AIPL1: variants seen among roughly 807,000 people sequenced by gnomAD.
AIPL1 encodes aryl-hydrocarbon-interacting protein-like 1.
AIPL1 carries 23 observed loss-of-function variants against 32.9 expected under a neutral mutation model. The observed-to-expected ratio is 0.70, with a 90% CI of 0.50 to 0.99. AIPL1 has a LOEUF of 0.99. AIPL1 is among the 50% of genes least tolerant of loss of function. The pLI is 0.00. For synonymous variants in AIPL1, 210 were observed against 209.4 expected (o/e 1.00, Z -0.02); for missense variants, 485 against 506.0 (o/e 0.96, Z 0.40).
At chr17:6,430,047 GTGTGTGTGT>G (rs1567640709) in intron 2 of AIPL1, among the ~76,000 whole-genome samples, 13 of 11,326 alleles carry the variant, frequency 1.1e-3, no homozygotes, top group African/African-American at 2.3e-3. Context: ...TAGAAGGGGT[GTGTGTGTGT>G]GTGTGTGTGT....
intron 3 of AIPL1, 43 bp from the exon 4 acceptor site, chr17:6,427,100 G>A: frequency 6.2e-7 from 1 of 1,606,212 alleles, no homozygotes. Flanking sequence ...GACCCCAGGG[G>A]CCTGCACCCC....
chr17:6,427,088 G>C (rs1305430008), intron 3 of AIPL1, 31 bp from the exon 4 acceptor site: 1 of 1,612,946 alleles, frequency 6.2e-7, no homozygotes, highest in Admixed American at 1.7e-5. Context: ...CAGTGAGGCA[G>C]GGACCCCAGG....
chr17:6,426,861 C>A lies in AIPL1; in HGVS notation c.642+20G>T. The A allele has an allele frequency of 6.2e-7, 1 of 1,613,922 alleles. No individual in the cohort carries two copies. The highest frequency in any genetic ancestry group is 8.5e-7 in the Non-Finnish European group (1 of 1,180,026). On this transcript the variant is annotated intron_variant, in intron 4 of 5. Coordinates refer to ENST00000381129, the MANE Select transcript of AIPL1 (RefSeq NM_014336.5). ...CCCAGAGTCAGCGCCACTTCCCACC[C>A]CTGGCCAGCGGCCTCTGACCTTGGT...
intron 2 of AIPL1, among the ~76,000 whole-genome samples, chr17:6,433,603 TCTCTCTCTCACACA>T (rs958586748): frequency 1.1e-4 from 14 of 126,846 alleles, no homozygotes; most frequent in Admixed American, 1.1e-3. Context: ...TCTCTCTCTC[TCTCTCTCTCACACA>T]CACACACACA....
rs765513188 is a variant in AIPL1, at chr17:6,425,445, T to A, written c.*15A>T. The A allele has an allele frequency of 6.4e-6, 10 of 1,574,494 alleles. No individual in the cohort carries two copies. The highest frequency in any genetic ancestry group is 8.6e-6 in the Non-Finnish European group (10 of 1,160,650). ...CACTTGCTCCCTGCCTGGGTGGCTGTGGGCCTCAGGGGGCTCAGTGCTGCA... is the reference window on the plus strand; with the variant it reads ...CACTTGCTCCCTGCCTGGGTGGCTGAGGGCCTCAGGGGGCTCAGTGCTGCA... On this transcript the variant is annotated 3_prime_UTR_variant, in exon 6 of 6. Coordinates refer to ENST00000381129, the MANE Select transcript of AIPL1 (RefSeq NM_014336.5).
chr17:6,433,904 G>C lies in AIPL1; in HGVS notation c.276+15C>G, dbSNP rs781192944. Reference sequence around the variant, plus strand: ...AAGACTAGTCCCAGGAGACAGGCGCGCAGGGCCTACTTACGATGGTGTCGC... The same window carrying C: ...AAGACTAGTCCCAGGAGACAGGCGCCCAGGGCCTACTTACGATGGTGTCGC... On this transcript the variant is annotated intron_variant, in intron 2 of 5. Transcript: ENST00000381129. 1 of 1,592,068 alleles carries C rather than the reference G, an allele frequency of 6.3e-7. No individual in the cohort carries two copies. The highest frequency in any genetic ancestry group is 1.7e-5 in the Admixed American group (1 of 59,110).
Position 6,425,393 on chromosome 17 carries a change from G to T in AIPL1, c.*67C>A. On this transcript the variant is annotated 3_prime_UTR_variant, in exon 6 of 6. Coordinates refer to ENST00000381129, the MANE Select transcript of AIPL1 (RefSeq NM_014336.5). ...TTTTAAAAAGTGACACCACGATCCTGGTCAATCGAACCAGAAGTGACCAGG... is the reference window on the plus strand; with the variant it reads ...TTTTAAAAAGTGACACCACGATCCTTGTCAATCGAACCAGAAGTGACCAGG... 1 of 1,499,414 alleles carries T rather than the reference G, an allele frequency of 6.7e-7. No homozygotes were observed. Among genetic ancestry groups the T allele is most frequent in the Non-Finnish European group, 8.9e-7 (1 of 1,128,604 alleles). The allele number at this position is 1,499,414 out of a possible 1,614,324, so 92.9% of individuals were successfully genotyped here. A position where few individuals can be genotyped will look rare whatever the true frequency, so the allele number is the denominator to read the frequency against.
Position 6,428,372 on chromosome 17 carries a change from C to T in AIPL1, c.411G>A (p.Leu137=). 6.2e-7 allele frequency: 1 copy of T among 1,612,432 alleles called. No homozygotes were observed. Among genetic ancestry groups the T allele is most frequent in the Non-Finnish European group, 8.5e-7 (1 of 1,180,044 alleles). Residue 137 remains leucine (L), a synonymous_variant, in exon 3 of 6, where the codon CTG becomes CTA. Coordinates refer to ENST00000381129, the MANE Select transcript of AIPL1 (RefSeq NM_014336.5). ...GCTGAGGCTCCTTCTGCAGCTCGTCCAGGTCCTCGTAGCCCAGCGTGTGGT... is the reference window on the plus strand; with the variant it reads ...GCTGAGGCTCCTTCTGCAGCTCGTCTAGGTCCTCGTAGCCCAGCGTGTGGT... ...FAYHTLGYED[L]DELQKEPQPL...
In AIPL1 at chr17:6,428,168, C is replaced by T. The variant is rs1438504164; in HGVS notation, c.465+150G>A. On this transcript the variant is annotated intron_variant, in intron 3 of 5. Transcript: ENST00000381129. The stretch of plus-strand genomic sequence containing the variant: ...AATCAGAGGACTTTTTTTTCAAATT[C>T]GTATTCTCCCATGGCTTATGAACCC... 4.9e-5 allele frequency: 45 copies of T among 911,596 alleles called. 1 individual carries two copies. The highest frequency in any genetic ancestry group is 6.2e-5 in the Non-Finnish European group (37 of 601,092). The allele number at this position is 911,596 out of a possible 1,614,324, so 56.5% of individuals were successfully genotyped here. A position where few individuals can be genotyped will look rare whatever the true frequency, so the allele number is the denominator to read the frequency against.
In AIPL1 at chr17:6,425,342, C is replaced by A; in HGVS notation, c.*118G>T. 2.3e-5 allele frequency: 26 copies of A among 1,145,208 alleles called. No individual in the cohort carries two copies. Among genetic ancestry groups the A allele is most frequent in the African/African-American group, 3.3e-5 (2 of 61,272 alleles). 70.9% of individuals were successfully genotyped at this position (1,145,208 alleles called of 1,614,324 possible). A position where few individuals can be genotyped will look rare whatever the true frequency, so the allele number is the denominator to read the frequency against. On this transcript the variant is annotated 3_prime_UTR_variant, in exon 6 of 6. Transcript: ENST00000381129. ...TTTTTTTTACCATGGGTGTGTCTGACTTTGATTTCAAAAATTAATTTTAAA... is the reference window on the plus strand; with the variant it reads ...TTTTTTTTACCATGGGTGTGTCTGAATTTGATTTCAAAAATTAATTTTAAA...
At chr17:6,430,580 T>C (rs16955854) in intron 2 of AIPL1, among the ~76,000 whole-genome samples, 3,173 of 151,454 alleles carry the variant, frequency 0.021, 123 homozygotes, top group African/African-American at 0.073. Flanking sequence ...GCCCACATTA[T>C]GGGAATGACA....
At chr17:6,426,553 A>G (rs1199855614) in intron 5 of AIPL1, 62 bp downstream of exon 5, 1 of 1,580,582 alleles carries the variant, frequency 6.3e-7, no homozygotes, top group Non-Finnish European at 8.6e-7. Context: ...AGGCTATGGC[A>G]GGTGTCTCCG....
At position 6,428,400 on chromosome 17, in the gene AIPL1, G is replaced by A. The variant is rs145466901; in HGVS notation, c.383C>T (p.Ala128Val). 340 of 1,613,238 alleles carry A rather than the reference G, an allele frequency of 2.1e-4. No individual in the cohort carries two copies. The highest frequency in any genetic ancestry group is 1.7e-4 in the Non-Finnish European group (204 of 1,180,048). ...VHTCGLANMF[A>V]YHTLGYEDLD... The stretch of plus-strand genomic sequence containing the variant: ...GTCCTCGTAGCCCAGCGTGTGGTAG[G>A]CGAACATGTTGGCCAGCCCGCACGT... Residue 128 changes from alanine to valine, a missense_variant, in exon 3 of 6, where the codon GCC (alanine) becomes GTC (valine). Coordinates refer to ENST00000381129, the MANE Select transcript of AIPL1 (RefSeq NM_014336.5).
chr17:6,426,415 A>T, intron 5 of AIPL1, 200 bp downstream of exon 5: 1 of 1,437,418 alleles, frequency 7.0e-7, no homozygotes, highest in Non-Finnish European at 9.1e-7. Context: ...ACACACATTA[A>T]AATAAAGGGC....
Position 6,433,904 on chromosome 17 carries a change from G to GAAAAGACTAGTCCCAGGAGA in AIPL1, c.276+14_276+15insTCTCCTGGGACTAGTCTTTT. 2 of 1,592,070 alleles carry GAAAAGACTAGTCCCAGGAGA rather than the reference G, an allele frequency of 1.3e-6. No individual in the cohort carries two copies. Among genetic ancestry groups the GAAAAGACTAGTCCCAGGAGA allele is most frequent in the African/African-American group, 1.5e-5 (1 of 66,238 alleles). On this transcript the variant is annotated intron_variant, in intron 2 of 5. Transcript: ENST00000381129. Reference sequence around the variant, plus strand: ...AAGACTAGTCCCAGGAGACAGGCGCGCAGGGCCTACTTACGATGGTGTCGC... The same window carrying GAAAAGACTAGTCCCAGGAGA: ...AAGACTAGTCCCAGGAGACAGGCGCGAAAAGACTAGTCCCAGGAGACAGGGCCTACTTACGATGGTGTCGC...
Position 6,428,331 on chromosome 17 carries a change from A to G in AIPL1, c.452T>C (p.Ile151Thr). ...QKEPQPLVFV[I>T]ELLQVDAPSD... ...CCCCAGCCCCACCTGCAGCAGCTCG[A>G]TCACAAAGACCAGAGGCTGAGGCTC... The change falls in exon 3 of 6, where the codon ATC becomes ACC. Residue 151 changes from isoleucine to threonine, a missense_variant. Ile to Thr is a moderately conservative substitution (Grantham distance 89). Transcript: ENST00000381129. 6.2e-7 allele frequency: 1 copy of G among 1,609,342 alleles called. No homozygotes were observed. Among genetic ancestry groups the G allele is most frequent in the Non-Finnish European group, 8.5e-7 (1 of 1,180,002 alleles).
chr17:6,432,308 A>G (rs1380300286), intron 2 of AIPL1, among the ~76,000 whole-genome samples: 1 of 151,936 alleles, frequency 6.6e-6, no homozygotes, highest in African/African-American at 2.4e-5. Context: ...CCGGGAGGCC[A>G]AGGTTGCAGT....
At chr17:6,426,859 C>T (rs1912031137) in intron 4 of AIPL1, 22 bp downstream of exon 4, 3 of 1,613,764 alleles carry the variant, frequency 1.9e-6, no homozygotes, top group South Asian at 2.2e-5. Flanking sequence ...CCACTTCCCA[C>T]CCCTGGCCAG....
chr17:6,432,715 C>T (rs920648848), intron 2 of AIPL1, among the ~76,000 whole-genome samples: 7 of 151,746 alleles, frequency 4.6e-5, no homozygotes, highest in Non-Finnish European at 1.0e-4. Flanking sequence ...ACTGCAACCT[C>T]TGCCTCCCGG....
Sources: gnomAD v4.1 joint callset for allele counts (sites outside exome capture counted in the v4.1 genomes callset) on GRCh38, gnomAD v4.1.1 for gene constraint, MANE v1.5 for transcripts, NCBI Gene and HGNC (gene_info 2026-07-23, HGNC 2026-07-21) for gene names.